The following GSE1 variants were observed in gnomAD, a reference collection of about 807,000 sequenced individuals.
GSE1 encodes Gse1 coiled-coil protein.
In GSE1, 32 loss-of-function variants were observed where a neutral mutation model predicts 112.6. That is an observed-to-expected ratio of 0.28 (90% CI 0.21 to 0.38). The LOEUF (loss-of-function observed/expected upper bound fraction) is 0.38, where lower values mean the gene tolerates loss of function less well. Among genes scored for constraint, GSE1 ranks in the 10% least tolerant of loss-of-function variants. GSE1 has a pLI of 1.00. For synonymous variants in GSE1, 1,115 were observed against 735.6 expected (o/e 1.52, Z -8.35); for missense variants, 2,348 against 1,699.2 (o/e 1.38, Z -6.71).
intron 2 of GSE1, among the ~76,000 whole-genome samples, chr16:85,375,385 G>A (rs2047396601): frequency 6.6e-6 from 1 of 152,188 alleles, no homozygotes; most frequent in Admixed American, 6.5e-5. Context: ...CCATGAGGGA[G>A]GTTCCCGCCT....
At chr16:85,181,964 G>A (rs1234438838) in intron 1 of GSE1, among the ~76,000 whole-genome samples, 7 of 152,212 alleles carry the variant, frequency 4.6e-5, no homozygotes, top group South Asian at 2.1e-4. Flanking sequence ...GAGACGGACC[G>A]TCTCACGGCT....
At chr16:85,618,095 G>GC (rs1338373875) in intron 1 of GSE1, among the ~76,000 whole-genome samples, 1 of 152,138 alleles carries the variant, frequency 6.6e-6, no homozygotes, top group Non-Finnish European at 1.5e-5. Flanking sequence ...GTGTTCACCT[G>GC]CATCTCTAGC....
At chr16:85,519,702 C>T (rs1015422705) in intron 2 of GSE1, among the ~76,000 whole-genome samples, 1 of 132,998 alleles carries the variant, frequency 7.5e-6, no homozygotes, top group Non-Finnish European at 1.6e-5. Flanking sequence ...TCACCACAGT[C>T]TCCATCACTG....
At chr16:85,404,203 TG>T (rs2048196460) in intron 2 of GSE1, among the ~76,000 whole-genome samples, 1 of 52,656 alleles carries the variant, frequency 1.9e-5, no homozygotes, top group South Asian at 9.3e-4. Flanking sequence ...AGGGCCCCCC[TG>T]GATAATCCTC....
At chr16:85,548,479 T>A (rs72801166) in intron 2 of GSE1, among the ~76,000 whole-genome samples, 10,978 of 152,148 alleles carry the variant, frequency 0.072, 408 homozygotes, top group Middle Eastern at 0.12. Flanking sequence ...TTCCCACATA[T>A]TAGTGAGATC....
intron 1 of GSE1, among the ~76,000 whole-genome samples, chr16:85,331,375 A>ATATATATATG (rs1567692599): frequency 7.4e-6 from 1 of 134,396 alleles, no homozygotes; most frequent in South Asian, 2.3e-4. Flanking sequence ...GTATATATGT[A>ATATATATATG]TATATATGTA....
chr16:85,171,268 C>T, exon 1 of GSE1: 6 of 985,626 alleles, frequency 6.1e-6, no homozygotes, highest in Non-Finnish European at 6.0e-6. Context: ...CTCCGAGCTG[C>T]CGGCGTCGGC....
chr16:85,469,309 G>T lies in GSE1; in HGVS notation c.2464+111666G>T, dbSNP rs145939084. Among the ~76,000 whole-genome samples the T allele has an allele frequency of 4.6e-5, 7 of 152,222 alleles. No individual in the cohort carries two copies. In the East Asian group the frequency reaches 9.6e-4, roughly 21 times the overall value. ...ATGACAGGGGCCCTTATGAGAGACA[G>T]AAGAGGAGAAAACACAGACACAGGG... On this transcript the variant is annotated intron_variant, in intron 2 of 2. Coordinates refer to the GSE1 transcript ENST00000637419.
chr16:85,669,466 GT>G (rs1243743902), intron 14 of GSE1, among the ~76,000 whole-genome samples: 1 of 152,174 alleles, frequency 6.6e-6, no homozygotes, highest in African/African-American at 2.4e-5. Context: ...AAACGCCCAT[GT>G]AGCCACAACC....
intron 2 of GSE1, among the ~76,000 whole-genome samples, chr16:85,479,560 T>C (rs899571459): frequency 2.6e-5 from 4 of 152,132 alleles, no homozygotes; most frequent in Admixed American, 1.3e-4. Context: ...TGCCTTTGCC[T>C]CCCAAAGTGC....
At chr16:85,610,459 C>T (rs924311759), upstream of GSE1, among the ~76,000 whole-genome samples, 2 of 152,240 alleles carry the variant, frequency 1.3e-5, no homozygotes, top group African/African-American at 2.4e-5. Flanking sequence ...GCCTTAGCCC[C>T]AGTGCTGGGA....
intron 2 of GSE1, among the ~76,000 whole-genome samples, chr16:85,470,479 G>A (rs2050257338): frequency 2.0e-5 from 3 of 152,160 alleles, no homozygotes; most frequent in Admixed American, 6.5e-5. Context: ...CTTCATGCCC[G>A]GCCACTGCAC....
chr16:85,208,333 G>A (rs535632896), intron 1 of GSE1, among the ~76,000 whole-genome samples: 40 of 152,306 alleles, frequency 2.6e-4, no homozygotes, highest in African/African-American at 9.4e-4. Context: ...ACGGTCTGCG[G>A]AGTTCTCAGC....
chr16:85,650,302 C>G (rs554934521), intron 3 of GSE1, among the ~76,000 whole-genome samples: 24 of 152,270 alleles, frequency 1.6e-4, no homozygotes, highest in Admixed American at 9.1e-4. Flanking sequence ...AGCCTTGACC[C>G]CATGGGCCCT....
At chr16:85,637,484 G>A (rs889273516) in intron 2 of GSE1, among the ~76,000 whole-genome samples, 4 of 151,016 alleles carry the variant, frequency 2.6e-5, no homozygotes, top group African/African-American at 9.8e-5. Flanking sequence ...TGCAGCAGTG[G>A]CTATGTATCG....
intron 1 of GSE1, among the ~76,000 whole-genome samples, chr16:85,619,991 G>A (rs1253123270): frequency 6.6e-6 from 1 of 152,162 alleles, no homozygotes; most frequent in African/African-American, 2.4e-5. Flanking sequence ...TGCTTCGGAA[G>A]GCCCTGTTTA....
chr16:85,494,435 A>G (rs2051105670), intron 2 of GSE1, among the ~76,000 whole-genome samples: 1 of 145,780 alleles, frequency 6.9e-6, no homozygotes, highest in South Asian at 2.1e-4. Context: ...CAAAGATCCC[A>G]TTTCCAAATA....
chr16:85,397,771 T>C (rs1407699506), intron 2 of GSE1, among the ~76,000 whole-genome samples: 1 of 152,188 alleles, frequency 6.6e-6, no homozygotes. Flanking sequence ...GACTGCAATG[T>C]GGAGGAAGGC....
rs368105984 is a variant in GSE1, at chr16:85,636,069, C to T, written c.226+1937C>T. ...TCCCCACTGGCCAGGAACAAAGTGC[C>T]GCTGGGCGCCCCTGGCGGGAGGCCA... is the stretch of plus-strand genomic sequence containing the variant. On this transcript the variant is annotated intron_variant, in intron 2 of 15. Coordinates refer to ENST00000253458, the MANE Select transcript of GSE1 (RefSeq NM_014615.5). Among the ~76,000 whole-genome samples the T allele has an allele frequency of 3.5e-4, 54 of 152,358 alleles. 1 individual carries two copies. Among genetic ancestry groups the T allele is most frequent in the African/African-American group, 1.1e-3 (45 of 41,584 alleles).
Sources: gnomAD v4.1 joint callset for allele counts (sites outside exome capture counted in the v4.1 genomes callset) on GRCh38, gnomAD v4.1.1 for gene constraint, MANE v1.5 for transcripts, NCBI Gene and HGNC (gene_info 2026-07-23, HGNC 2026-07-21) for gene names.